Variants in CACNA2D3 observed in about 807,000 individuals in gnomAD.
CACNA2D3 encodes calcium voltage-gated channel auxiliary subunit alpha2delta 3.
In CACNA2D3, 60 loss-of-function variants were observed where a neutral mutation model predicts 160.6. The observed-to-expected ratio is 0.37, with a 90% CI of 0.30 to 0.46. The LOEUF (loss-of-function observed/expected upper bound fraction) is 0.46, where lower values mean the gene tolerates loss of function less well. CACNA2D3 is among the 20% of genes least tolerant of loss of function. The pLI is 1.00. For synonymous variants in CACNA2D3, 558 were observed against 492.9 expected, an observed-to-expected ratio of 1.13 and a Z score of -1.75; for missense variants, 1,205 against 1,365.0, an observed-to-expected ratio of 0.88 and a Z score of 1.85.
At chr3:54,335,424 C>A (rs1301444840) in intron 3 of CACNA2D3, among the ~76,000 whole-genome samples, 1 of 152,172 alleles carries the variant, frequency 6.6e-6, no homozygotes, top group Non-Finnish European at 1.5e-5. Context: ...TTCATGCTTT[C>A]CCTTTTTAGA....
intron 3 of CACNA2D3, among the ~76,000 whole-genome samples, chr3:54,349,817 T>C (rs1698522179): frequency 6.6e-6 from 1 of 152,214 alleles, no homozygotes; most frequent in South Asian, 2.1e-4. Context: ...ACCTCAGTCC[T>C]CCTTCCTGTA....
chr3:55,051,377 T>G (rs1704207174), intron 35 of CACNA2D3, among the ~76,000 whole-genome samples: 1 of 137,060 alleles, frequency 7.3e-6, no homozygotes, highest in African/African-American at 3.4e-5. Flanking sequence ...GAGGTGTCAG[T>G]GTGCCCCTGC....
chr3:54,788,748 G>A (rs1702689343), intron 13 of CACNA2D3, among the ~76,000 whole-genome samples: 1 of 152,132 alleles, frequency 6.6e-6, no homozygotes, highest in South Asian at 2.1e-4. Flanking sequence ...TGGGTCAGGT[G>A]CTATAAAATT....
chr3:54,206,949 T>G (rs558102786), intron 2 of CACNA2D3, among the ~76,000 whole-genome samples: 1 of 152,334 alleles, frequency 6.6e-6, no homozygotes, highest in South Asian at 2.1e-4. Flanking sequence ...CTCTCATCTG[T>G]AGGCTCCATT....
At chr3:54,804,329 C>T (rs1265046368) in intron 13 of CACNA2D3, among the ~76,000 whole-genome samples, 4 of 151,874 alleles carry the variant, frequency 2.6e-5, no homozygotes, top group African/African-American at 9.7e-5. Flanking sequence ...TGCAGAGACA[C>T]ACATAGGCTC....
At chr3:54,884,016 A>G (rs552263637) in intron 21 of CACNA2D3, among the ~76,000 whole-genome samples, 18 of 152,140 alleles carry the variant, frequency 1.2e-4, no homozygotes, top group Non-Finnish European at 1.9e-4. Context: ...TTTCACTGCT[A>G]TATTCTCAGG....
intron 21 of CACNA2D3, among the ~76,000 whole-genome samples, chr3:54,881,760 T>A (rs533360798): frequency 6.6e-6 from 1 of 152,322 alleles, no homozygotes; most frequent in South Asian, 2.1e-4. Context: ...AGGTCAATTA[T>A]AAGCAAAGTT....
chr3:54,737,910 C>T (rs1257604697), intron 11 of CACNA2D3, among the ~76,000 whole-genome samples: 1 of 152,192 alleles, frequency 6.6e-6, no homozygotes, highest in Non-Finnish European at 1.5e-5. Context: ...AGGTGATCCA[C>T]CTGTCTCGGC....
intron 27 of CACNA2D3, among the ~76,000 whole-genome samples, chr3:54,936,442 A>G (rs1251345288): frequency 1.3e-5 from 2 of 152,164 alleles, no homozygotes; most frequent in Non-Finnish European, 2.9e-5. Flanking sequence ...TCGCTCCACA[A>G]ACAAAGGAAA....
At chr3:54,676,042 T>G (rs946112843) in intron 11 of CACNA2D3, among the ~76,000 whole-genome samples, 1 of 152,196 alleles carries the variant, frequency 6.6e-6, no homozygotes, top group Non-Finnish European at 1.5e-5. Context: ...TGGGTTTTCA[T>G]TTCAGTGCAA....
At chr3:55,012,066 G>T (rs1465827507) in intron 34 of CACNA2D3, among the ~76,000 whole-genome samples, 1 of 152,234 alleles carries the variant, frequency 6.6e-6, no homozygotes, top group Non-Finnish European at 1.5e-5. Flanking sequence ...AGCTCTGAGA[G>T]GCCGGAGCGG....
At position 54,681,882 on chromosome 3, in the gene CACNA2D3, C is replaced by T. The variant is rs760302997; in HGVS notation, c.1167+39641C>T. Among the ~76,000 whole-genome samples the T allele has an allele frequency of 5.3e-5, 8 of 152,148 alleles. No individual in the cohort carries two copies. The East Asian group carries it at 1.4e-3, about 26-fold the overall frequency. ...ACTTTTAGTAGAGATGGGGTTTCGC[C>T]AAGTTGGCCAGGCTGGTTTCAAACT... On this transcript the variant is annotated intron_variant, in intron 11 of 37. Transcript: ENST00000474759.
At chr3:54,129,275 A>C (rs1340928620) in intron 2 of CACNA2D3, among the ~76,000 whole-genome samples, 1 of 152,220 alleles carries the variant, frequency 6.6e-6, no homozygotes, top group African/African-American at 2.4e-5. Context: ...TTCTGTGTGC[A>C]TAGCCAGCAC....
intron 4 of CACNA2D3, among the ~76,000 whole-genome samples, chr3:54,454,149 C>T (rs1700356948): frequency 6.6e-6 from 1 of 152,118 alleles, no homozygotes. Context: ...TGTGGTAGCC[C>T]TAACTGATCA....
At chr3:54,299,743 G>A (rs1448180827) in intron 2 of CACNA2D3, among the ~76,000 whole-genome samples, 1 of 152,174 alleles carries the variant, frequency 6.6e-6, no homozygotes, top group Non-Finnish European at 1.5e-5. Flanking sequence ...GTCCCCCGGG[G>A]AAAAGGATTA....
At chr3:54,195,357 C>A (rs1243396482) in intron 2 of CACNA2D3, among the ~76,000 whole-genome samples, 5 of 152,182 alleles carry the variant, frequency 3.3e-5, no homozygotes, top group Non-Finnish European at 5.9e-5. Flanking sequence ...AAAGCTCACT[C>A]CCACCCATCT....
intron 2 of CACNA2D3, among the ~76,000 whole-genome samples, chr3:54,223,736 C>T (rs28855116): frequency 0.053 from 8,089 of 151,310 alleles, 670 homozygotes; most frequent in African/African-American, 0.18. Flanking sequence ...TGCTGAATCC[C>T]GTCTACTCAG....
intron 9 of CACNA2D3, chr3:54,626,453 G>A (rs1575390829): frequency 6.3e-7 from 1 of 1,598,722 alleles, no homozygotes; most frequent in East Asian, 2.2e-5. Flanking sequence ...ACGCACCTGC[G>A]TGACGTGATC....
intron 11 of CACNA2D3, among the ~76,000 whole-genome samples, chr3:54,709,776 A>G (rs1700921826): frequency 6.6e-6 from 1 of 152,164 alleles, no homozygotes; most frequent in African/African-American, 2.4e-5. Context: ...AAATTTGAAA[A>G]TTAGCTGGAA....
Sources: gnomAD v4.1 joint callset for allele counts (sites outside exome capture counted in the v4.1 genomes callset) on GRCh38, gnomAD v4.1.1 for gene constraint, MANE v1.5 for transcripts, NCBI Gene and HGNC (gene_info 2026-07-23, HGNC 2026-07-21) for gene names.